The following SASH1 variants were observed in gnomAD, a reference collection of about 807,000 sequenced individuals.
The protein encoded by SASH1 is SAM and SH3 domain-containing protein 1.
SASH1 carries 44 observed loss-of-function variants against 125.2 expected under a neutral mutation model. That is an observed-to-expected ratio of 0.35 (90% CI 0.28 to 0.45). SASH1 has a LOEUF of 0.45. SASH1 is among the 20% of genes least tolerant of loss of function. The pLI, the probability that SASH1 is intolerant of heterozygous loss-of-function variation, is 1.00. For synonymous variants in SASH1, 639 were observed against 649.1 expected, an observed-to-expected ratio of 0.98 and a Z score of 0.24; for missense variants, 1,426 against 1,614.5, an observed-to-expected ratio of 0.88 and a Z score of 2.00.
chr6:148,400,754 GA>G (rs1784137905), intron 2 of SASH1, among the ~76,000 whole-genome samples: 5 of 151,916 alleles, frequency 3.3e-5, no homozygotes. Flanking sequence ...TTGTCTGGGG[GA>G]AAAAGAAAGA....
At chr6:148,386,896 G>T (rs527762500) in intron 1 of SASH1, among the ~76,000 whole-genome samples, 2 of 152,238 alleles carry the variant, frequency 1.3e-5, no homozygotes, top group African/African-American at 4.8e-5. Flanking sequence ...AACAGGGATG[G>T]TGAGCACTTT....
At chr6:148,258,089 C>A in the SASH1 span, among the ~76,000 whole-genome samples, 4 of 148,492 alleles carry the variant, frequency 2.7e-5, no homozygotes, top group African/African-American at 9.9e-5. Flanking sequence ...TTGGCTTTCC[C>A]TTTTTTTTTT....
At chr6:148,450,026 T>G (rs143199517) in intron 4 of SASH1, among the ~76,000 whole-genome samples, 37 of 152,068 alleles carry the variant, frequency 2.4e-4, no homozygotes, top group African/African-American at 8.9e-4. Flanking sequence ...AGGCCCCACC[T>G]CCCAACATCA....
At chr6:148,467,675 G>T (rs1467778883) in intron 4 of SASH1, among the ~76,000 whole-genome samples, 7 of 152,132 alleles carry the variant, frequency 4.6e-5, no homozygotes, top group Admixed American at 4.6e-4. Context: ...AGTGGCTCAC[G>T]CCTGTAATCC....
chr6:148,286,261 C>T (rs1207516039), intron 1 of SASH1, among the ~76,000 whole-genome samples: 2 of 151,658 alleles, frequency 1.3e-5, no homozygotes, highest in African/African-American at 2.4e-5. Flanking sequence ...ATTAGCTGGG[C>T]GTGGTGGCGT....
chr6:148,375,180 T>C (rs1238458156), intron 1 of SASH1, among the ~76,000 whole-genome samples: 1 of 150,708 alleles, frequency 6.6e-6, no homozygotes, highest in Non-Finnish European at 1.5e-5. Context: ...TTTGTAGAGA[T>C]AGGGTTTCAC....
the SASH1 span, among the ~76,000 whole-genome samples, chr6:148,204,595 G>A: frequency 6.6e-6 from 1 of 152,126 alleles, no homozygotes; most frequent in East Asian, 1.9e-4. Flanking sequence ...AGGAGGCTGA[G>A]GTAGGAGAAT....
At chr6:148,358,542 A>T (rs1221757969) in intron 1 of SASH1, among the ~76,000 whole-genome samples, 1 of 152,166 alleles carries the variant, frequency 6.6e-6, no homozygotes, top group Non-Finnish European at 1.5e-5. Flanking sequence ...AGAGAGAAGC[A>T]CACTGATATT....
chr6:148,349,712 A>G (rs9498006), intron 1 of SASH1, among the ~76,000 whole-genome samples: 34,734 of 151,992 alleles, frequency 0.23, 4,296 homozygotes, highest in East Asian at 0.28. Flanking sequence ...CCTGAGGCCC[A>G]ACACTTTGTA....
chr6:148,514,551 A>ATAGGGT (rs2115330088), intron 9 of SASH1, 95 bp downstream of exon 9: 1 of 1,358,876 alleles, frequency 7.4e-7, no homozygotes, highest in East Asian at 2.6e-5. Context: ...CAGAAAAGGG[A>ATAGGGT]TACGATTTCA....
chr6:148,273,538 C>T (rs992168281), intron 1 of SASH1, among the ~76,000 whole-genome samples: 2 of 152,012 alleles, frequency 1.3e-5, no homozygotes, highest in African/African-American at 4.8e-5. Context: ...AGGTGATCCA[C>T]CTGCCTCAGC....
At chr6:148,543,111 T>G (rs1782330960) in intron 17 of SASH1, among the ~76,000 whole-genome samples, 1 of 152,196 alleles carries the variant, frequency 6.6e-6, no homozygotes, top group Non-Finnish European at 1.5e-5. Flanking sequence ...TAGATTTTCT[T>G]TGGCAAAGTA....
At chr6:148,249,489 G>A in the SASH1 span, among the ~76,000 whole-genome samples, 3 of 152,206 alleles carry the variant, frequency 2.0e-5, no homozygotes, top group African/African-American at 7.2e-5. Context: ...AGGAGCCAGG[G>A]TACCAAGGTA....
intron 2 of SASH1, among the ~76,000 whole-genome samples, chr6:148,402,678 G>C (rs1330887244): frequency 6.7e-6 from 1 of 149,378 alleles, no homozygotes; most frequent in Non-Finnish European, 1.5e-5. Context: ...GCAGTGGCAC[G>C]ATCTTGGCTC....
rs568432134 is a variant in SASH1, at chr6:148,303,033, T to A, written n.74+30656T>A. Among the ~76,000 whole-genome samples the A allele has an allele frequency of 2.6e-5, 4 of 152,150 alleles. No homozygotes were observed. In the South Asian group the frequency reaches 8.3e-4, roughly 32 times the overall value. On this transcript the variant is annotated intron_variant and non_coding_transcript_variant, in intron 1 of 3. Transcript: ENST00000367469. Reference sequence around the variant, plus strand: ...TTTGATCTTGTTGCTCAGGCTGGAGTGCAATGGCGCGATCTCAGCTCACTG... The same window carrying A: ...TTTGATCTTGTTGCTCAGGCTGGAGAGCAATGGCGCGATCTCAGCTCACTG...
intron 1 of SASH1, among the ~76,000 whole-genome samples, chr6:148,321,124 G>T (rs983796933): frequency 1.3e-5 from 2 of 152,178 alleles, no homozygotes; most frequent in African/African-American, 4.8e-5. Flanking sequence ...CAGGCGCGGT[G>T]GCTCACATCT....
At chr6:148,490,352 G>T (rs1166130818) in intron 8 of SASH1, among the ~76,000 whole-genome samples, 1 of 152,010 alleles carries the variant, frequency 6.6e-6, no homozygotes, top group African/African-American at 2.4e-5. Context: ...AGGACTCAAG[G>T]TGTGCACTCC....
In SASH1 at chr6:148,532,543, G is replaced by A. The variant is rs191932444; in HGVS notation, c.1565-254G>A. On this transcript the variant is annotated intron_variant, in intron 13 of 19. Coordinates refer to ENST00000367467, the MANE Select transcript of SASH1 (RefSeq NM_015278.5). The surrounding 1 kb of genome is among the most constrained non-coding windows in gnomAD (Gnocchi z 4.7). Reference sequence around the variant, plus strand: ...CCTGGCCCTGCAGTGTCCTCCACGCGGGATCCTCCGTGCCACATGGATTCC... The same window carrying A: ...CCTGGCCCTGCAGTGTCCTCCACGCAGGATCCTCCGTGCCACATGGATTCC... Among the ~76,000 whole-genome samples, 627 of 152,212 alleles carry A rather than the reference G, an allele frequency of 4.1e-3. 1 individual carries two copies. The highest frequency in any genetic ancestry group is 0.015 in the African/African-American group (606 of 41,516).
At chr6:148,219,378 C>T in the SASH1 span, among the ~76,000 whole-genome samples, 2 of 152,140 alleles carry the variant, frequency 1.3e-5, no homozygotes, top group Admixed American at 1.3e-4. Context: ...ATCTCTTCCC[C>T]TATGCAAAAG....
Sources: gnomAD v4.1 joint callset for allele counts (sites outside exome capture counted in the v4.1 genomes callset) on GRCh38, gnomAD v4.1.1 for gene constraint, Gnocchi (gnomAD v3.1) non-coding constraint, MANE v1.5 for transcripts, NCBI Gene and HGNC (gene_info 2026-07-23, HGNC 2026-07-21) for gene names.